PTPRD: variants seen among roughly 807,000 people sequenced by gnomAD.
The protein encoded by PTPRD is protein tyrosine phosphatase receptor type D.
Under a neutral mutation model 214.5 loss-of-function variants are expected in PTPRD, and 34 were observed. That is an observed-to-expected ratio of 0.16 (90% CI 0.12 to 0.21). PTPRD has a LOEUF of 0.21. Ranked by LOEUF, PTPRD falls within the 10% of genes least tolerant of loss-of-function variation. PTPRD has a pLI of 1.00. For synonymous variants in PTPRD, 1,128 were observed against 845.7 expected (o/e 1.33, Z -5.79); for missense variants, 2,545 against 2,398.7 (o/e 1.06, Z -1.27).
At chr9:8,926,982 A>C (rs2098901442) in intron 11 of PTPRD, among the ~76,000 whole-genome samples, 1 of 152,174 alleles carries the variant, frequency 6.6e-6, no homozygotes, top group Admixed American at 6.5e-5. Flanking sequence ...TTTTGAGCTC[A>C]AAGGGAACTA....
At position 9,058,442 on chromosome 9, in the gene PTPRD, G is replaced by GTTTTTTT. The variant is rs777910266; in HGVS notation, c.-142-39714_-142-39708dup. ...TATTGGTGAGAGAAATATTATGAGGGTTTTTTTTTTTTTTTTTTTTTTTTT... is the reference window on the plus strand; with the variant it reads ...TATTGGTGAGAGAAATATTATGAGGGTTTTTTTTTTTTTTTTTTTTTTTTTTTTTTTT... On this transcript the variant is annotated intron_variant, in intron 10 of 45. Coordinates refer to ENST00000381196, the MANE Select transcript of PTPRD (RefSeq NM_002839.4). Among the ~76,000 whole-genome samples the GTTTTTTT allele has an allele frequency of 5.3e-3, 367 of 69,858 alleles. 75 individuals are homozygous for GTTTTTTT. Among genetic ancestry groups the GTTTTTTT allele is most frequent in the Non-Finnish European group, 6.6e-3 (251 of 38,026 alleles). 45.8% of individuals were successfully genotyped at this position (69,858 alleles called of 152,430 possible).
chr9:9,019,297 A>AAAGAAAGAAAGG (rs2099550943), intron 10 of PTPRD, among the ~76,000 whole-genome samples: 23 of 55,114 alleles, frequency 4.2e-4, no homozygotes, highest in African/African-American at 7.5e-4. Flanking sequence ...AGAAAGAAAG[A>AAAGAAAGAAAGG]AAGAAAGAAA....
intron 3 of PTPRD, among the ~76,000 whole-genome samples, chr9:10,127,785 A>G (rs1484970946): frequency 2.0e-5 from 3 of 151,986 alleles, no homozygotes; most frequent in Admixed American, 2.0e-4. Flanking sequence ...ATCTATTTTG[A>G]TCTCCAGTTC....
chr9:8,496,201 C>CAA (rs1563827616), intron 26 of PTPRD, among the ~76,000 whole-genome samples: 1 of 142,608 alleles, frequency 7.0e-6, no homozygotes, highest in African/African-American at 2.5e-5. Flanking sequence ...CACACACACA[C>CAA]ACACACACAA....
chr9:10,351,654 T>C (rs1320766583), intron 2 of PTPRD, among the ~76,000 whole-genome samples: 2 of 138,502 alleles, frequency 1.4e-5, no homozygotes, highest in Non-Finnish European at 3.1e-5. Flanking sequence ...TCTCATATTT[T>C]AATTCTAACT....
At chr9:9,161,364 G>C (rs1417735556) in intron 10 of PTPRD, among the ~76,000 whole-genome samples, 1 of 152,030 alleles carries the variant, frequency 6.6e-6, no homozygotes, top group Non-Finnish European at 1.5e-5. Context: ...GTGGTCAGGA[G>C]ATAAAATTGG....
intron 25 of PTPRD, among the ~76,000 whole-genome samples, chr9:8,497,738 A>G (rs10815889): frequency 0.21 from 32,681 of 152,112 alleles, 3,516 homozygotes; most frequent in East Asian, 0.29. Flanking sequence ...AAAATACACA[A>G]GGAAAAACAG....
chr9:9,334,348 G>A (rs1595938546), intron 9 of PTPRD, among the ~76,000 whole-genome samples: 1 of 151,920 alleles, frequency 6.6e-6, no homozygotes, highest in African/African-American at 2.4e-5. Flanking sequence ...TCTTCCAAGG[G>A]TATGTGTACA....
intron 8 of PTPRD, among the ~76,000 whole-genome samples, chr9:9,511,442 C>A (rs187872295): frequency 6.6e-6 from 1 of 151,594 alleles, no homozygotes; most frequent in Non-Finnish European, 1.5e-5. Context: ...CATTTGTTAT[C>A]CATGTAATAA....
At chr9:10,458,966 G>C (rs547846767) in intron 2 of PTPRD, among the ~76,000 whole-genome samples, 1 of 152,152 alleles carries the variant, frequency 6.6e-6, no homozygotes, top group South Asian at 2.1e-4. Context: ...TTGTTACATA[G>C]TTACACACGT....
At chr9:9,148,209 G>T (rs972281846) in intron 10 of PTPRD, among the ~76,000 whole-genome samples, 17 of 152,238 alleles carry the variant, frequency 1.1e-4, no homozygotes, top group Admixed American at 7.2e-4. Context: ...TTACTTTAGA[G>T]GTTACTTTAA....
intron 5 of PTPRD, among the ~76,000 whole-genome samples, chr9:9,850,663 A>G (rs1203240139): frequency 2.6e-5 from 4 of 152,168 alleles, no homozygotes; most frequent in Admixed American, 1.3e-4. Flanking sequence ...ATTGTATCAC[A>G]TATTTGTTTT....
At chr9:8,653,687 C>T (rs1011541247) in intron 12 of PTPRD, among the ~76,000 whole-genome samples, 42 of 152,264 alleles carry the variant, frequency 2.8e-4, no homozygotes, top group African/African-American at 1.0e-3. Flanking sequence ...CTCCAGCAAT[C>T]AGCACTGCAC....
At chr9:9,576,590 C>T (rs1462789990) in intron 7 of PTPRD, among the ~76,000 whole-genome samples, 1 of 151,948 alleles carries the variant, frequency 6.6e-6, no homozygotes, top group African/African-American at 2.4e-5. Context: ...TCTTTCTTGC[C>T]CTCCCTTTTT....
At chr9:10,023,226 AT>A (rs1396284413) in intron 4 of PTPRD, among the ~76,000 whole-genome samples, 2 of 152,208 alleles carry the variant, frequency 1.3e-5, no homozygotes, top group East Asian at 3.8e-4. Flanking sequence ...AGAATTAATC[AT>A]TTTAAGTGTA....
intron 7 of PTPRD, among the ~76,000 whole-genome samples, chr9:9,654,203 T>C (rs1008374614): frequency 1.1e-4 from 17 of 152,186 alleles, no homozygotes; most frequent in Admixed American, 1.1e-3. Context: ...AAAGACTTTT[T>C]AATAACCTTA....
intron 8 of PTPRD, among the ~76,000 whole-genome samples, chr9:9,553,563 A>C (rs1170648829): frequency 2.6e-5 from 4 of 151,936 alleles, no homozygotes. Context: ...TGCTCTTTCT[A>C]CAGTGTTTTG....
At chr9:9,451,418 T>C (rs145062559) in intron 8 of PTPRD, among the ~76,000 whole-genome samples, 1,862 of 151,914 alleles carry the variant, frequency 0.012, 28 homozygotes, top group African/African-American at 0.042. Flanking sequence ...ATTTTGCAGT[T>C]TGTTTCCATT....
intron 5 of PTPRD, among the ~76,000 whole-genome samples, chr9:9,926,585 T>A (rs191531334): frequency 8.5e-5 from 13 of 152,288 alleles, no homozygotes; most frequent in Admixed American, 7.8e-4. Flanking sequence ...AATGTGAAGA[T>A]AATTGTATCA....
Sources: allele counts gnomAD v4.1 joint callset (sites outside exome capture counted in the v4.1 genomes callset), GRCh38; gene constraint gnomAD v4.1.1; transcripts MANE v1.5; gene names NCBI Gene and HGNC (gene_info 2026-07-23, HGNC 2026-07-21).